The following GGTA1 variants were observed in gnomAD, a reference collection of about 807,000 sequenced individuals.
GGTA1 encodes the protein inactive N-acetyllactosaminide alpha-1,3-galactosyltransferase.
GGTA1 carries 5 observed loss-of-function variants against 2.6 expected under a neutral mutation model. The ratio of observed to expected loss-of-function variants is 1.92; its 90% CI spans 1.00 to 4.04. The LOEUF is 4.04. Ranked by LOEUF, GGTA1 falls within the 30% of genes most tolerant of loss-of-function variation. The pLI, the probability that GGTA1 is intolerant of heterozygous loss-of-function variation, is 0.00. For missense variants in GGTA1, 50 were observed against 16.7 expected, an observed-to-expected ratio of 2.99 and a Z score of -3.47; for synonymous variants, 17 against 5.0, an observed-to-expected ratio of 3.38 and a Z score of -3.19.
At chr9:121,483,289 G>A (rs376381135) in intron 1 of GGTA1, among the ~76,000 whole-genome samples, 1 of 152,166 alleles carries the variant, frequency 6.6e-6, no homozygotes, top group Non-Finnish European at 1.5e-5. Flanking sequence ...AGCCAATGCT[G>A]TTCTTCCTAC....
At chr9:121,463,889 G>C (rs1257752814) in intron 2 of GGTA1, among the ~76,000 whole-genome samples, 3 of 152,104 alleles carry the variant, frequency 2.0e-5, no homozygotes, top group Non-Finnish European at 4.4e-5. Flanking sequence ...CAACTGCAGA[G>C]CCTAATGCCA....
intron 1 of GGTA1, among the ~76,000 whole-genome samples, chr9:121,483,771 C>T (rs1828701481): frequency 6.6e-6 from 1 of 152,148 alleles, no homozygotes; most frequent in African/African-American, 2.4e-5. Context: ...GCTTCATGTC[C>T]CAGGTCACTT....
rs1272746365 is a variant in GGTA1 at position 121,463,304 on chromosome 9, T to C, written c.105A>G (p.Ile35Met). ...INSTEGSFLW[I>M]YHSKNPEVDD... ...TTCAAAGCACTTACTTTGAGTGATA[T>C]ATCCACAAGAAAGAGCCTTCTGTGC... The change falls in exon 3 of 6, where the codon ATA becomes ATG. Residue 35 changes from isoleucine (I) to methionine (M), a missense_variant. Ile to Met is a conservative substitution (Grantham distance 10). Coordinates refer to ENST00000481799, the MANE Select transcript of GGTA1 (RefSeq NM_001382585.1). 2 of 452,772 alleles carry C rather than the reference T, an allele frequency of 4.4e-6. No individual in the cohort carries two copies. Among genetic ancestry groups the C allele is most frequent in the Admixed American group, 4.8e-5 (2 of 41,646 alleles). 28.0% of individuals were successfully genotyped at this position (452,772 alleles called of 1,614,324 possible). A position where few individuals can be genotyped will look rare whatever the true frequency, so the allele number is the denominator to read the frequency against.
At position 121,485,170 on chromosome 9, in the gene GGTA1, A is replaced by G. The variant is rs77434540; in HGVS notation, c.-10+14480T>C. ...GCTGAACAAATCTTAAAAGAATACG[A>G]GTTCGAAGGGCAGCCAACGGGTCTG... On this transcript the variant is annotated intron_variant, in intron 1 of 5. Transcript: ENST00000481799. 1.2e-3 allele frequency among the ~76,000 whole-genome samples: 187 copies of G among 152,322 alleles called. 4 individuals carry two copies. Among genetic ancestry groups the G allele is most frequent in the Admixed American group, 0.01 (157 of 15,304 alleles).
At chr9:121,468,573 T>G (rs1459498501) in intron 1 of GGTA1, among the ~76,000 whole-genome samples, 1 of 152,252 alleles carries the variant, frequency 6.6e-6, no homozygotes, top group Non-Finnish European at 1.5e-5. Context: ...TTTCTGGTTC[T>G]AGATCCCTGA....
chr9:121,498,894 G>GTTT (rs142008912), intron 1 of GGTA1, among the ~76,000 whole-genome samples: 11 of 142,910 alleles, frequency 7.7e-5, no homozygotes, highest in East Asian at 4.1e-4. Flanking sequence ...TCTTTTTACT[G>GTTT]TTTTTTTTTT....
intron 1 of GGTA1, among the ~76,000 whole-genome samples, chr9:121,495,251 G>A (rs1045991290): frequency 6.6e-6 from 1 of 151,746 alleles, no homozygotes; most frequent in African/African-American, 2.4e-5. Context: ...TCTGGAAAGA[G>A]TTGACTATCC....
At position 121,497,980 on chromosome 9, in the gene GGTA1, AC is replaced by A. The variant is rs777194484; in HGVS notation, c.-10+1669del. 5.2e-5 allele frequency among the ~76,000 whole-genome samples: 8 copies of A among 152,384 alleles called. No individual in the cohort carries two copies. The East Asian group carries it at 1.5e-3, about 29-fold the overall frequency. Reference sequence around the variant, plus strand: ...ACAGGTCTCCTGGTAAGGTGTGGCCACTAGAGAAGTTTGCCCAAATCACGTT... The same window carrying A: ...ACAGGTCTCCTGGTAAGGTGTGGCCATAGAGAAGTTTGCCCAAATCACGTT... On this transcript the variant is annotated intron_variant, in intron 1 of 5. Transcript: ENST00000481799.
At position 121,460,215 on chromosome 9, in the gene GGTA1, G is replaced by A. The variant is rs887469458; in HGVS notation, c.187C>T (p.His63Tyr). Reference sequence around the variant, plus strand: ...TCTTCTTCCCCTTGTTGATAATTGTGGATCCTAAGTACAAAGGGAAAGTAA... The same window carrying A: ...TCTTCTTCCCCTTGTTGATAATTGTAGATCCTAAGTACAAAGGGAAAGTAA... ...WFLSWFNNGI[H>Y]NYQQGEEDID... The change falls in exon 5 of 6, where the codon CAC becomes TAC. Residue 63 changes from histidine (H) to tyrosine (Y), a missense_variant. Transcript: ENST00000481799. 1 of 457,064 alleles carries A rather than the reference G, an allele frequency of 2.2e-6. No homozygotes were observed. Among genetic ancestry groups the A allele is most frequent in the East Asian group, 6.9e-5 (1 of 14,392 alleles). 28.3% of individuals were successfully genotyped at this position (457,064 alleles called of 1,614,324 possible).
At chr9:121,497,944 T>A (rs1253318490) in intron 1 of GGTA1, among the ~76,000 whole-genome samples, 1 of 152,196 alleles carries the variant, frequency 6.6e-6, no homozygotes, top group Non-Finnish European at 1.5e-5. Context: ...TCCTAGCCTA[T>A]GATTTAGGGG....
At chr9:121,459,371 G>A (rs2064940667) in intron 5 of GGTA1, among the ~76,000 whole-genome samples, 1 of 152,172 alleles carries the variant, frequency 6.6e-6, no homozygotes, top group Non-Finnish European at 1.5e-5. Context: ...GGGAGGTCAA[G>A]GCTGCAGTGA....
At chr9:121,494,190 G>A (rs1337634084) in intron 1 of GGTA1, among the ~76,000 whole-genome samples, 2 of 152,190 alleles carry the variant, frequency 1.3e-5, no homozygotes, top group African/African-American at 4.8e-5. Flanking sequence ...GGAAGCACGT[G>A]CACACCCCCA....
At chr9:121,464,202 G>C (rs1219909425) in intron 2 of GGTA1, among the ~76,000 whole-genome samples, 2 of 152,154 alleles carry the variant, frequency 1.3e-5, no homozygotes, top group Admixed American at 1.3e-4. Flanking sequence ...CCTTTTCAAT[G>C]CCTTGCTTGA....
intron 1 of GGTA1, among the ~76,000 whole-genome samples, chr9:121,492,480 A>T (rs931850079): frequency 3.3e-5 from 5 of 151,762 alleles, no homozygotes; most frequent in Non-Finnish European, 7.4e-5. Flanking sequence ...TATTTTATTT[A>T]TTTTATTTTT....
intron 1 of GGTA1, among the ~76,000 whole-genome samples, chr9:121,477,870 C>T (rs1828549115): frequency 6.6e-6 from 1 of 152,172 alleles, no homozygotes; most frequent in South Asian, 2.1e-4. Context: ...TGAACCACCA[C>T]GGCCAGCCCA....
chr9:121,488,876 T>G (rs574116359), intron 1 of GGTA1, among the ~76,000 whole-genome samples: 36 of 152,290 alleles, frequency 2.4e-4, no homozygotes, highest in South Asian at 6.2e-4. Context: ...ACCACTGCAC[T>G]GCAGCCTGGG....
intron 1 of GGTA1, among the ~76,000 whole-genome samples, chr9:121,474,263 CTT>C (rs897195335): frequency 3.9e-5 from 6 of 152,270 alleles, no homozygotes; most frequent in African/African-American, 1.2e-4. Context: ...CCTTAATACT[CTT>C]ATACTTTCTC....
rs548252974 is a variant in GGTA1 at position 121,463,574 on chromosome 9, G to T, written c.81-246C>A. 3.3e-5 allele frequency among the ~76,000 whole-genome samples: 5 copies of T among 152,236 alleles called. No individual in the cohort carries two copies. The East Asian group carries it at 9.7e-4, about 29-fold the overall frequency. On this transcript the variant is annotated intron_variant, in intron 2 of 5. Coordinates refer to ENST00000481799, the MANE Select transcript of GGTA1 (RefSeq NM_001382585.1). ...TGTGTGTTTGTGTGTGTGTATTGTA[G>T]AGACGGGGTTTTGTCACGTTGCCCA...
intron 1 of GGTA1, among the ~76,000 whole-genome samples, chr9:121,496,232 A>G (rs1466571697): frequency 6.6e-6 from 1 of 152,204 alleles, no homozygotes. Context: ...GCTTTTGGCC[A>G]CAAAAGTCTA....
Sources: allele counts gnomAD v4.1 joint callset (sites outside exome capture counted in the v4.1 genomes callset), GRCh38; gene constraint gnomAD v4.1.1; transcripts MANE v1.5; gene names NCBI Gene and HGNC (gene_info 2026-07-23, HGNC 2026-07-21).